NRG1: variants seen among roughly 807,000 people sequenced by gnomAD.
NRG1 encodes pro-neuregulin-1, membrane-bound isoform.
A neutral mutation model predicts 63.8 loss-of-function variants in NRG1; 18 were observed. The observed-to-expected ratio is 0.28, with a 90% CI of 0.19 to 0.42. The LOEUF is 0.42. NRG1 is among the 10% of genes least tolerant of loss of function. NRG1 has a pLI of 1.00. For missense variants in NRG1, 762 were observed against 814.7 expected, an observed-to-expected ratio of 0.94 and a Z score of 0.79; for synonymous variants, 302 against 301.3, an observed-to-expected ratio of 1.00 and a Z score of -0.02.
At chr8:32,356,474 A>ACCCCCC (rs11426642) in intron 1 of NRG1, among the ~76,000 whole-genome samples, 12 of 69,324 alleles carry the variant, frequency 1.7e-4, no homozygotes, top group African/African-American at 2.9e-4. Context: ...CCTTGTTGGG[A>ACCCCCC]CCCCCCCCCC....
At chr8:31,782,385 C>T (rs948449562) in intron 1 of NRG1, among the ~76,000 whole-genome samples, 1 of 152,104 alleles carries the variant, frequency 6.6e-6, no homozygotes, top group African/African-American at 2.4e-5. Context: ...CATTGCCTAT[C>T]ACCCCCACCC....
At chr8:32,408,576 A>C (rs1045516055) in intron 1 of NRG1, among the ~76,000 whole-genome samples, 3 of 146,186 alleles carry the variant, frequency 2.1e-5, no homozygotes, top group Non-Finnish European at 4.6e-5. Flanking sequence ...GCAGAGGGGG[A>C]AATCTCCAAA....
At chr8:32,754,705 CCT>C (rs2129052858) in intron 8 of NRG1, among the ~76,000 whole-genome samples, 1 of 152,132 alleles carries the variant, frequency 6.6e-6, no homozygotes, top group South Asian at 2.1e-4. Flanking sequence ...GACCACAGCC[CCT>C]GAGTGGATAA....
At chr8:32,381,120 G>A (rs1375482177) in intron 1 of NRG1, among the ~76,000 whole-genome samples, 3 of 151,882 alleles carry the variant, frequency 2.0e-5, no homozygotes, top group South Asian at 2.1e-4. Flanking sequence ...TATCCTGCCC[G>A]GGCTACACAT....
At chr8:32,246,509 C>A (rs577065502) in intron 1 of NRG1, among the ~76,000 whole-genome samples, 1 of 152,300 alleles carries the variant, frequency 6.6e-6, no homozygotes, top group African/African-American at 2.4e-5. Flanking sequence ...TGGCATAGAG[C>A]TTTGCCATGG....
At chr8:32,511,052 C>G (rs897053107) in intron 1 of NRG1, among the ~76,000 whole-genome samples, 1 of 148,188 alleles carries the variant, frequency 6.7e-6, no homozygotes, top group Non-Finnish European at 1.5e-5. Context: ...GAGACAAAGG[C>G]TAATTTTCTC....
chr8:32,544,262 T>G (rs1832845913), upstream of NRG1, among the ~76,000 whole-genome samples: 1 of 152,174 alleles, frequency 6.6e-6, no homozygotes, highest in Non-Finnish European at 1.5e-5. Flanking sequence ...CTATTTAATT[T>G]CTTATTACCT....
At chr8:32,101,910 G>A (rs531136383) in intron 1 of NRG1, among the ~76,000 whole-genome samples, 2 of 152,284 alleles carry the variant, frequency 1.3e-5, no homozygotes, top group African/African-American at 4.8e-5. Flanking sequence ...GTGATGGAAA[G>A]CAGGTGAAAT....
At chr8:32,003,349 A>G (rs940201448) in intron 1 of NRG1, among the ~76,000 whole-genome samples, 2 of 152,222 alleles carry the variant, frequency 1.3e-5, no homozygotes, top group Non-Finnish European at 2.9e-5. Flanking sequence ...ATTGACATGT[A>G]TAGACTATTC....
intron 1 of NRG1, among the ~76,000 whole-genome samples, chr8:32,318,489 G>C (rs1801013300): frequency 6.6e-6 from 1 of 152,052 alleles, no homozygotes; most frequent in Non-Finnish European, 1.5e-5. Flanking sequence ...GAAGTTAAGT[G>C]ACTTAACCTG....
intron 1 of NRG1, among the ~76,000 whole-genome samples, chr8:31,754,907 TG>T (rs555728098): frequency 1.1e-4 from 16 of 151,930 alleles, no homozygotes; most frequent in Middle Eastern, 6.8e-3. Context: ...GGCACTGGAG[TG>T]GGGGTTGATT....
chr8:31,791,350 C>G (rs368135935), intron 1 of NRG1, among the ~76,000 whole-genome samples: 1 of 152,112 alleles, frequency 6.6e-6, no homozygotes, highest in Non-Finnish European at 1.5e-5. Flanking sequence ...ACATAAAACA[C>G]TATTGCTATT....
intron 1 of NRG1, among the ~76,000 whole-genome samples, chr8:31,683,167 A>G (rs1486704763): frequency 6.6e-6 from 1 of 152,148 alleles, no homozygotes; most frequent in Non-Finnish European, 1.5e-5. Flanking sequence ...GCGTTCTCTT[A>G]CCACATGATC....
intron 1 of NRG1, among the ~76,000 whole-genome samples, chr8:32,430,891 A>C (rs1818058207): frequency 6.6e-6 from 1 of 152,056 alleles, no homozygotes. Flanking sequence ...TGACTTTATA[A>C]AATAGGTACC....
intron 1 of NRG1, among the ~76,000 whole-genome samples, chr8:31,814,306 C>T (rs934483254): frequency 3.3e-5 from 5 of 152,142 alleles, no homozygotes; most frequent in South Asian, 2.1e-4. Flanking sequence ...CAGTGGGCAT[C>T]GTGGGTCAGT....
chr8:32,280,206 A>G (rs1350557728), intron 1 of NRG1, among the ~76,000 whole-genome samples: 1 of 152,242 alleles, frequency 6.6e-6, no homozygotes, highest in East Asian at 1.9e-4. Context: ...AAACTTCTGC[A>G]ATATCCCCAC....
At chr8:32,281,285 C>T (rs558622223) in intron 1 of NRG1, among the ~76,000 whole-genome samples, 1 of 150,182 alleles carries the variant, frequency 6.7e-6, no homozygotes, top group African/African-American at 2.5e-5. Context: ...CAAGCGATTC[C>T]CCCTGCCTCA....
At chr8:31,929,477 A>G (rs921837995) in intron 1 of NRG1, among the ~76,000 whole-genome samples, 1 of 151,812 alleles carries the variant, frequency 6.6e-6, no homozygotes. Context: ...TATTTTAATG[A>G]TATATATGTA....
At chr8:31,977,677 A>C (rs916056934) in intron 1 of NRG1, among the ~76,000 whole-genome samples, 1 of 152,144 alleles carries the variant, frequency 6.6e-6, no homozygotes, top group Non-Finnish European at 1.5e-5. Context: ...ACTAAAAATG[A>C]ATGGTAATAA....
Sources: allele counts gnomAD v4.1 joint callset (sites outside exome capture counted in the v4.1 genomes callset), GRCh38; gene constraint gnomAD v4.1.1; transcripts MANE v1.5; gene names NCBI Gene and HGNC (gene_info 2026-07-23, HGNC 2026-07-21).